NCAM2: variants seen among roughly 807,000 people sequenced by gnomAD.
The protein encoded by NCAM2 is N-CAM-2.
A neutral mutation model predicts 98.1 loss-of-function variants in NCAM2; 30 were observed. The ratio of observed to expected loss-of-function variants is 0.31; its 90% CI spans 0.23 to 0.41. NCAM2 has a LOEUF of 0.41. NCAM2 is among the 10% of genes least tolerant of loss of function. NCAM2 has a pLI of 1.00. For missense variants in NCAM2, 867 were observed against 1,005.8 expected (o/e 0.86, Z 1.87); for synonymous variants, 368 against 342.4 (o/e 1.07, Z -0.83).
intron 1 of NCAM2, among the ~76,000 whole-genome samples, chr21:21,216,083 G>T (rs180797701): frequency 1.5e-4 from 23 of 152,214 alleles, no homozygotes; most frequent in African/African-American, 5.5e-4. Context: ...CAGTTTTACT[G>T]TACCCAAGGC....
intron 1 of NCAM2, among the ~76,000 whole-genome samples, chr21:21,085,678 G>A (rs2065893137): frequency 6.6e-6 from 1 of 152,118 alleles, no homozygotes; most frequent in Non-Finnish European, 1.5e-5. Flanking sequence ...TTAAAGGCAT[G>A]TGAAGACATC....
intron 1 of NCAM2, among the ~76,000 whole-genome samples, chr21:21,082,225 T>TAAA (rs57713170): frequency 8.1e-4 from 67 of 82,830 alleles, no homozygotes; most frequent in African/African-American, 1.6e-3. Flanking sequence ...GAGAATCCTT[T>TAAA]AAAAAAAAAA....
chr21:21,151,396 G>A (rs1030689389), intron 1 of NCAM2, among the ~76,000 whole-genome samples: 1 of 152,070 alleles, frequency 6.6e-6, no homozygotes, highest in Non-Finnish European at 1.5e-5. Flanking sequence ...CTATTCAGTA[G>A]TTGTTGGTTG....
chr21:21,531,096 C>A (rs1989668638), intron 16 of NCAM2, among the ~76,000 whole-genome samples: 1 of 151,992 alleles, frequency 6.6e-6, no homozygotes, highest in African/African-American at 2.4e-5. Flanking sequence ...TTTTAATTGT[C>A]TTTTAATATC....
chr21:21,280,554 A>C, intron 1 of NCAM2, 24 bp from the exon 2 acceptor site: 1 of 1,527,298 alleles, frequency 6.5e-7, no homozygotes, highest in Non-Finnish European at 9.0e-7. Context: ...AATCACCATT[A>C]ATTGTTTCCC....
intron 1 of NCAM2, among the ~76,000 whole-genome samples, chr21:21,071,970 T>A (rs1045413743): frequency 6.6e-6 from 1 of 152,144 alleles, no homozygotes; most frequent in Admixed American, 6.5e-5. Flanking sequence ...TGGAGTGCAG[T>A]GGCGCGATCT....
At chr21:21,441,346 A>G (rs1022793599) in intron 12 of NCAM2, among the ~76,000 whole-genome samples, 1 of 152,180 alleles carries the variant, frequency 6.6e-6, no homozygotes, top group African/African-American at 2.4e-5. Context: ...GATTACTCAT[A>G]CCATCACTTC....
intron 5 of NCAM2, among the ~76,000 whole-genome samples, chr21:21,292,473 T>C (rs1425922153): frequency 6.6e-6 from 1 of 151,920 alleles, no homozygotes; most frequent in African/African-American, 2.4e-5. Flanking sequence ...AAATAGGCTA[T>C]ATGTGAGTAA....
At chr21:21,365,773 T>C (rs1166324674) in intron 8 of NCAM2, among the ~76,000 whole-genome samples, 1 of 152,020 alleles carries the variant, frequency 6.6e-6, no homozygotes, top group African/African-American at 2.4e-5. Flanking sequence ...ACATTTTCAA[T>C]ACTGAAAATG....
intron 1 of NCAM2, among the ~76,000 whole-genome samples, chr21:21,034,337 C>T (rs1285761464): frequency 6.6e-6 from 1 of 152,106 alleles, no homozygotes; most frequent in East Asian, 1.9e-4. Context: ...GTATTTTAAG[C>T]TAGTTTTTCT....
At chr21:21,519,796 AT>A (rs1988915235) in intron 16 of NCAM2, among the ~76,000 whole-genome samples, 1 of 152,164 alleles carries the variant, frequency 6.6e-6, no homozygotes, top group Non-Finnish European at 1.5e-5. Flanking sequence ...GGGTTAACTG[AT>A]TTGACTGTTC....
intron 14 of NCAM2, among the ~76,000 whole-genome samples, chr21:21,475,597 G>A (rs1985064493): frequency 6.6e-6 from 1 of 152,098 alleles, no homozygotes; most frequent in East Asian, 1.9e-4. Flanking sequence ...ACTTAGAAAA[G>A]TTACAACCTC....
intron 5 of NCAM2, among the ~76,000 whole-genome samples, chr21:21,304,592 G>T (rs112271697): frequency 9.0e-4 from 137 of 152,088 alleles, no homozygotes; most frequent in African/African-American, 3.1e-3. Flanking sequence ...TCTAGGTTCT[G>T]TTCATTTCCA....
rs1489011874 is a variant in NCAM2 at position 21,538,021 on chromosome 21, CA to C, written c.*68del. 1.9e-5 allele frequency: 17 copies of C among 880,024 alleles called. No individual in the cohort carries two copies. The highest frequency in any genetic ancestry group is 2.9e-5 in the Non-Finnish European group (17 of 589,444). 54.5% of individuals were successfully genotyped at this position (880,024 alleles called of 1,614,324 possible). On this transcript the variant is annotated 3_prime_UTR_variant, in exon 18 of 18. Transcript: ENST00000400546. Reference sequence around the variant, plus strand: ...TATTTGGATTGCGTGACCCTATGACCAAAACTATTCCATTGACCTTAATTTC... The same window carrying C: ...TATTTGGATTGCGTGACCCTATGACCAAACTATTCCATTGACCTTAATTTC...
At chr21:21,205,373 G>A (rs1475366050) in intron 1 of NCAM2, among the ~76,000 whole-genome samples, 1 of 152,102 alleles carries the variant, frequency 6.6e-6, no homozygotes, top group African/African-American at 2.4e-5. Flanking sequence ...CTGCGTACCA[G>A]TGGAATCAGA....
At chr21:21,465,249 C>A (rs965292385) in intron 12 of NCAM2, among the ~76,000 whole-genome samples, 24 of 151,462 alleles carry the variant, frequency 1.6e-4, no homozygotes, top group Admixed American at 5.3e-4. Context: ...GTATTTTTTT[C>A]TTTTCTAGAA....
chr21:21,317,834 C>T lies in NCAM2; in HGVS notation c.620-6549C>T, dbSNP rs76072373. ...ACAGGTGCGAGCCACCAGGCCTTGA[C>T]TTCTTTTTAAACTTGAATTACCAAC... On this transcript the variant is annotated intron_variant, in intron 5 of 17. Coordinates refer to ENST00000400546, the MANE Select transcript of NCAM2 (RefSeq NM_004540.5). Among the ~76,000 whole-genome samples, 58 of 152,194 alleles carry T rather than the reference C, an allele frequency of 3.8e-4. No individual in the cohort carries two copies. In the East Asian group the frequency reaches 5.0e-3, roughly 13 times the overall value.
chr21:21,532,228 A>G (rs1277936090), intron 16 of NCAM2, among the ~76,000 whole-genome samples: 2 of 152,050 alleles, frequency 1.3e-5, no homozygotes, highest in East Asian at 3.8e-4. Context: ...ATGAAAAAAT[A>G]AAAGACAACT....
At chr21:20,999,288 A>G (rs1325688988) in intron 1 of NCAM2, among the ~76,000 whole-genome samples, 1 of 152,052 alleles carries the variant, frequency 6.6e-6, no homozygotes, top group African/African-American at 2.4e-5. Flanking sequence ...ATAACATTAC[A>G]TTGTAATTAC....
Sources: allele counts gnomAD v4.1 joint callset (sites outside exome capture counted in the v4.1 genomes callset), GRCh38; gene constraint gnomAD v4.1.1; transcripts MANE v1.5; gene names NCBI Gene and HGNC (gene_info 2026-07-23, HGNC 2026-07-21).